EXT1: variants seen among roughly 807,000 people sequenced by gnomAD.
The protein encoded by EXT1 is exostosin-1.
EXT1 carries 20 observed loss-of-function variants against 82.5 expected under a neutral mutation model. That is an observed-to-expected ratio of 0.24 (90% CI 0.17 to 0.35). The LOEUF is 0.35. Ranked by LOEUF, EXT1 falls within the 10% of genes least tolerant of loss-of-function variation. The probability of loss-of-function intolerance (pLI) is 1.00; values close to 1 mark genes in which losing one functional copy is unlikely to be tolerated. For synonymous variants in EXT1, 348 were observed against 350.8 expected (o/e 0.99, Z 0.09); for missense variants, 757 against 936.5 (o/e 0.81, Z 2.50).
At chr8:117,807,187 G>A (rs1823250558) in intron 9 of EXT1, 30 bp downstream of exon 9, 2 of 1,613,608 alleles carry the variant, frequency 1.2e-6, no homozygotes, top group South Asian at 1.1e-5. Context: ...GCTATGTAAA[G>A]TCTGTAAGAG....
At chr8:117,894,053 C>A (rs1278154946) in intron 1 of EXT1, among the ~76,000 whole-genome samples, 1 of 152,198 alleles carries the variant, frequency 6.6e-6, no homozygotes, top group Non-Finnish European at 1.5e-5. Flanking sequence ...TGACCCCTAA[C>A]CCTGCCTTTT....
At chr8:118,025,223 C>G (rs1053195050) in intron 1 of EXT1, among the ~76,000 whole-genome samples, 3 of 152,076 alleles carry the variant, frequency 2.0e-5, no homozygotes, top group African/African-American at 7.2e-5. Context: ...GAAACAAAAA[C>G]AAAACTCTAC....
At chr8:118,074,388 T>C (rs1162343258) in intron 1 of EXT1, among the ~76,000 whole-genome samples, 5 of 152,026 alleles carry the variant, frequency 3.3e-5, no homozygotes, top group Non-Finnish European at 7.4e-5. Flanking sequence ...CCAGCTAAGT[T>C]GCAGGGAAGC....
intron 1 of EXT1, among the ~76,000 whole-genome samples, chr8:117,985,116 G>A (rs1286290342): frequency 6.6e-6 from 1 of 152,140 alleles, no homozygotes; most frequent in African/African-American, 2.4e-5. Flanking sequence ...GCGACTCTTT[G>A]AAACTTTTGA....
At chr8:117,835,153 C>T (rs1381778016) in intron 3 of EXT1, among the ~76,000 whole-genome samples, 2 of 152,138 alleles carry the variant, frequency 1.3e-5, no homozygotes, top group Non-Finnish European at 2.9e-5. Flanking sequence ...GGTAATATTT[C>T]TAAAAATTCT....
chr8:117,984,101 A>G (rs1256361523), intron 1 of EXT1, among the ~76,000 whole-genome samples: 3 of 152,234 alleles, frequency 2.0e-5, no homozygotes, highest in Non-Finnish European at 4.4e-5. Flanking sequence ...GACAAATGAC[A>G]ACCCAGTGGC....
intron 1 of EXT1, among the ~76,000 whole-genome samples, chr8:117,925,705 C>CAAAAAAA (rs3049788): frequency 3.0e-5 from 3 of 98,628 alleles, no homozygotes; most frequent in Non-Finnish European, 6.0e-5. Context: ...CCTGTCTCTA[C>CAAAAAAA]AAAAAAAAAA....
At chr8:118,105,065 G>A (rs532263046) in intron 1 of EXT1, among the ~76,000 whole-genome samples, 1 of 152,230 alleles carries the variant, frequency 6.6e-6, no homozygotes, top group Non-Finnish European at 1.5e-5. Flanking sequence ...CCTTACCACC[G>A]TTTGCCTCCG....
intron 1 of EXT1, among the ~76,000 whole-genome samples, chr8:118,012,277 CA>C (rs1330290326): frequency 6.6e-6 from 1 of 152,222 alleles, no homozygotes; most frequent in African/African-American, 2.4e-5. Context: ...TTCCACTGCA[CA>C]CAGAAGACCA....
intron 7 of EXT1, among the ~76,000 whole-genome samples, chr8:117,814,234 GGTGTGTGTGT>G (rs57727618): frequency 1.4e-5 from 2 of 146,816 alleles, no homozygotes; most frequent in Admixed American, 1.4e-4. Context: ...CACACACAGT[GGTGTGTGTGT>G]GTGTGTGTGT....
At chr8:117,876,376 A>G (rs1812969515) in intron 1 of EXT1, among the ~76,000 whole-genome samples, 1 of 152,256 alleles carries the variant, frequency 6.6e-6, no homozygotes, top group Non-Finnish European at 1.5e-5. Context: ...GCAGAAACAC[A>G]GAGCAATTTA....
chr8:117,827,491 T>G (rs1257016970), intron 4 of EXT1, among the ~76,000 whole-genome samples: 1 of 152,048 alleles, frequency 6.6e-6, no homozygotes, highest in Admixed American at 6.5e-5. Flanking sequence ...CAAAGATACA[T>G]AAAAACGTCA....
intron 1 of EXT1, among the ~76,000 whole-genome samples, chr8:118,088,100 C>T (rs11562812): frequency 5.3e-5 from 8 of 152,118 alleles, no homozygotes; most frequent in East Asian, 1.9e-4. Context: ...CTTCTTCTCC[C>T]GGCTGCTGCA....
chr8:118,032,724 G>A (rs995512619), intron 1 of EXT1, among the ~76,000 whole-genome samples: 10 of 151,916 alleles, frequency 6.6e-5, no homozygotes, highest in African/African-American at 2.4e-4. Context: ...TGGTCAGGCT[G>A]GTCTCGAACT....
At chr8:117,943,250 C>T (rs1469504311) in intron 1 of EXT1, among the ~76,000 whole-genome samples, 1 of 152,120 alleles carries the variant, frequency 6.6e-6, no homozygotes, top group Admixed American at 6.5e-5. Flanking sequence ...TAAACAGACA[C>T]TACTACAAAC....
intron 2 of EXT1, among the ~76,000 whole-genome samples, chr8:117,835,990 G>T (rs1191535512): frequency 3.3e-5 from 5 of 152,214 alleles, no homozygotes; most frequent in Admixed American, 2.0e-4. Flanking sequence ...GCAACAAAGA[G>T]CAGAATGAAG....
chr8:117,965,960 G>A (rs954325769), intron 1 of EXT1, among the ~76,000 whole-genome samples: 1 of 150,770 alleles, frequency 6.6e-6, no homozygotes, highest in African/African-American at 2.4e-5. Flanking sequence ...GCATGTCCAT[G>A]GTAAAATAAA....
intron 1 of EXT1, among the ~76,000 whole-genome samples, chr8:117,924,986 G>C (rs1169548971): frequency 1.3e-5 from 2 of 152,060 alleles, no homozygotes; most frequent in African/African-American, 4.8e-5. Flanking sequence ...GTTAAGTTTG[G>C]TTCTAAAATG....
At chr8:117,944,224 C>T (rs74719773) in intron 1 of EXT1, among the ~76,000 whole-genome samples, 3 of 152,006 alleles carry the variant, frequency 2.0e-5, no homozygotes, top group African/African-American at 4.8e-5. Context: ...GGCAAAACTC[C>T]GTCTCTACAA....
Sources: allele counts gnomAD v4.1 joint callset (sites outside exome capture counted in the v4.1 genomes callset), GRCh38; gene constraint gnomAD v4.1.1; transcripts MANE v1.5; gene names NCBI Gene and HGNC (gene_info 2026-07-23, HGNC 2026-07-21).